LRP1B: variants seen among roughly 807,000 people sequenced by gnomAD.
The protein encoded by LRP1B is low-density lipoprotein receptor-related protein 1B.
A neutral mutation model predicts 556.6 loss-of-function variants in LRP1B; 217 were observed. The ratio of observed to expected loss-of-function variants is 0.39; its 90% CI spans 0.35 to 0.44. The LOEUF (loss-of-function observed/expected upper bound fraction) is 0.44. Ranked by LOEUF, LRP1B falls within the 20% of genes least tolerant of loss-of-function variation. LRP1B has a pLI of 1.00. For missense variants in LRP1B, 5,053 were observed against 5,620.8 expected (o/e 0.90, Z 3.23); for synonymous variants, 2,047 against 1,865.8 (o/e 1.10, Z -2.50).
At position 140,750,175 on chromosome 2, in the gene LRP1B, T is replaced by C. The variant is rs539126365; in HGVS notation, c.5758+19038A>G. ...TCATAATAATGTAGTCCTTTTTTCA[T>C]GTCCATCCTTGACCCTAATGCCTCA... is the stretch of plus-strand genomic sequence containing the variant. On this transcript the variant is annotated intron_variant, in intron 35 of 90. Coordinates refer to ENST00000389484, the MANE Select transcript of LRP1B (RefSeq NM_018557.3). Among the ~76,000 whole-genome samples, 13 of 152,292 alleles carry C rather than the reference T, an allele frequency of 8.5e-5. 1 individual carries two copies. Among genetic ancestry groups the C allele is most frequent in the African/African-American group, 3.1e-4 (13 of 41,566 alleles).
chr2:140,807,455 C>A (rs1207557565), intron 32 of LRP1B, among the ~76,000 whole-genome samples: 3 of 151,856 alleles, frequency 2.0e-5, no homozygotes, highest in African/African-American at 7.3e-5. Context: ...ATTCTCCTGC[C>A]TCAGCCTACT....
intron 1 of LRP1B, among the ~76,000 whole-genome samples, chr2:141,875,349 G>T (rs542755239): frequency 4.0e-5 from 6 of 151,820 alleles, no homozygotes; most frequent in African/African-American, 1.4e-4. Flanking sequence ...GACAAAGCTT[G>T]TTTTTCTAAG....
chr2:140,700,451 T>C lies in LRP1B; in HGVS notation c.6598A>G (p.Ile2200Val). The C allele has an allele frequency of 1.9e-6, 3 of 1,613,402 alleles. No individual in the cohort carries two copies. Among genetic ancestry groups the C allele is most frequent in the South Asian group, 2.2e-5 (2 of 91,058 alleles). Residue 2200 changes from isoleucine to valine, a missense_variant, in exon 41 of 91, where the codon ATA becomes GTA. Ile to Val is a conservative substitution (Grantham distance 29). Transcript: ENST00000389484. ...AAATTGGTTTCATCAGAAAGATGTATACTTTTTAATATTGTTCTTCCTGAA... is the reference window on the plus strand; with the variant it reads ...AAATTGGTTTCATCAGAAAGATGTACACTTTTTAATATTGTTCTTCCTGAA... Reference protein sequence around the residue: ...LYSGRTILKSIHLSDETNLNS... With the variant: ...LYSGRTILKSVHLSDETNLNS...
intron 25 of LRP1B, among the ~76,000 whole-genome samples, chr2:140,871,802 C>T (rs1360313727): frequency 1.3e-5 from 2 of 152,086 alleles, no homozygotes; most frequent in Non-Finnish European, 2.9e-5. Context: ...TTTTTTCCAC[C>T]ATGACAGCCT....
At chr2:141,868,894 T>G (rs1359366434) in intron 1 of LRP1B, among the ~76,000 whole-genome samples, 4 of 152,124 alleles carry the variant, frequency 2.6e-5, no homozygotes, top group African/African-American at 9.6e-5. Context: ...AATCACTGAC[T>G]GACATAAAAC....
At chr2:140,780,580 T>C (rs1689663162) in intron 32 of LRP1B, among the ~76,000 whole-genome samples, 1 of 152,066 alleles carries the variant, frequency 6.6e-6, no homozygotes, top group Admixed American at 6.5e-5. Flanking sequence ...TTACTCACCC[T>C]CTCGGACCCA....
intron 35 of LRP1B, among the ~76,000 whole-genome samples, chr2:140,750,230 T>A (rs1688528411): frequency 6.6e-6 from 1 of 152,134 alleles, no homozygotes; most frequent in Non-Finnish European, 1.5e-5. Flanking sequence ...TAAGAATCAA[T>A]GTTTCCAGTG....
chr2:140,594,339 T>A (rs776390784), intron 43 of LRP1B, among the ~76,000 whole-genome samples: 3,079 of 152,272 alleles, frequency 0.02, 103 homozygotes, highest in African/African-American at 0.07. Context: ...CTACATGCTG[T>A]TTTCCATTCA....
chr2:140,713,338 T>C (rs77992977), intron 37 of LRP1B, among the ~76,000 whole-genome samples: 7,706 of 151,268 alleles, frequency 0.051, 260 homozygotes, highest in South Asian at 0.094. Flanking sequence ...TTTTTTTTTT[T>C]CATTTACTGC....
chr2:141,245,435 T>C (rs1684030969), intron 5 of LRP1B, among the ~76,000 whole-genome samples: 1 of 152,168 alleles, frequency 6.6e-6, no homozygotes, highest in African/African-American at 2.4e-5. Flanking sequence ...TCTAGTCTTT[T>C]GCCCAGTGTG....
chr2:140,993,927 C>A (rs2105358467), intron 16 of LRP1B, 68 bp downstream of exon 16: 2 of 1,489,200 alleles, frequency 1.3e-6, no homozygotes, highest in South Asian at 2.4e-5. Context: ...TCACAAACTG[C>A]CTTGATAATT....
chr2:141,226,396 C>T (rs775472051), intron 6 of LRP1B, among the ~76,000 whole-genome samples: 12 of 151,904 alleles, frequency 7.9e-5, no homozygotes, highest in Non-Finnish European at 1.0e-4. Context: ...TGAGATGAGA[C>T]GTGCAATTTT....
intron 1 of LRP1B, among the ~76,000 whole-genome samples, chr2:141,838,844 T>C (rs1017024498): frequency 2.0e-5 from 3 of 152,102 alleles, no homozygotes; most frequent in African/African-American, 7.2e-5. Context: ...GAATTCAGAT[T>C]AGTATTTGCT....
chr2:142,060,566 C>T (rs2104891109), intron 1 of LRP1B, among the ~76,000 whole-genome samples: 1 of 152,082 alleles, frequency 6.6e-6, no homozygotes, highest in South Asian at 2.1e-4. Context: ...GGCTTATTTT[C>T]ATTGTTTAAC....
intron 3 of LRP1B, among the ~76,000 whole-genome samples, chr2:141,382,245 A>G (rs1689669043): frequency 6.6e-6 from 1 of 152,172 alleles, no homozygotes; most frequent in Non-Finnish European, 1.5e-5. Flanking sequence ...CTGAGGTCCC[A>G]GTTTAGAACT....
intron 66 of LRP1B, among the ~76,000 whole-genome samples, chr2:140,408,526 G>A (rs931017389): frequency 1.3e-5 from 2 of 151,724 alleles, no homozygotes; most frequent in African/African-American, 2.4e-5. Context: ...TTGTTGGAGG[G>A]TAAGAAGTGC....
At chr2:141,448,651 G>T (rs1681289947) in intron 3 of LRP1B, among the ~76,000 whole-genome samples, 1 of 152,124 alleles carries the variant, frequency 6.6e-6, no homozygotes, top group Non-Finnish European at 1.5e-5. Context: ...CTAGGGGAGG[G>T]AGTTCCCCAA....
At chr2:141,444,097 CTT>C (rs1436217761) in intron 3 of LRP1B, among the ~76,000 whole-genome samples, 1 of 152,042 alleles carries the variant, frequency 6.6e-6, no homozygotes, top group Admixed American at 6.6e-5. Flanking sequence ...TTGGTCCTCT[CTT>C]ATTTCCTTGA....
At chr2:141,015,004 T>C (rs985583189) in intron 13 of LRP1B, among the ~76,000 whole-genome samples, 1 of 152,110 alleles carries the variant, frequency 6.6e-6, no homozygotes, top group Non-Finnish European at 1.5e-5. Context: ...AGGAAGCATT[T>C]TGGTCATTTC....
Sources: allele counts gnomAD v4.1 joint callset (sites outside exome capture counted in the v4.1 genomes callset), GRCh38; gene constraint gnomAD v4.1.1; transcripts MANE v1.5; gene names NCBI Gene and HGNC (gene_info 2026-07-23, HGNC 2026-07-21).